Variants in ZEB1 observed in about 807,000 individuals in gnomAD.
ZEB1 encodes zinc finger E-box binding homeobox 1.
Under a neutral mutation model 84.9 loss-of-function variants are expected in ZEB1, and 21 were observed. The observed-to-expected ratio is 0.25, with a 90% CI of 0.18 to 0.36. The LOEUF is 0.36. Ranked by LOEUF, ZEB1 falls within the 10% of genes least tolerant of loss-of-function variation. The pLI, the probability that ZEB1 is intolerant of heterozygous loss-of-function variation, is 1.00. For missense variants in ZEB1, 1,104 were observed against 1,330.2 expected, an observed-to-expected ratio of 0.83 and a Z score of 2.65; for synonymous variants, 420 against 471.1, an observed-to-expected ratio of 0.89 and a Z score of 1.41.
Position 31,527,085 on chromosome 10 carries a change from G to A in ZEB1, c.3199G>A (p.Glu1067Lys). ...CEKPQGDEEEEEEEEEVEEEE... is the reference protein window; with the variant it reads ...CEKPQGDEEEKEEEEEVEEEE... ...AAAACCACAAGGGGATGAGGAAGAG[G>A]AGGAGGAGGAGGAAGAAGTGGAAGA... The change falls in exon 9 of 9, where the codon GAG becomes AAG. Residue 1067 changes from glutamate to lysine, a missense_variant. Coordinates refer to ENST00000424869, the MANE Select transcript of ZEB1 (RefSeq NM_001174096.2). 1 of 1,591,266 alleles carries A rather than the reference G, an allele frequency of 6.3e-7. No individual in the cohort carries two copies. The highest frequency in any genetic ancestry group is 1.4e-5 in the African/African-American group (1 of 73,802).
chr10:31,474,567 A>G (rs1353388877), intron 2 of ZEB1, among the ~76,000 whole-genome samples: 2,247 of 151,746 alleles, frequency 0.015, 51 homozygotes, highest in African/African-American at 0.052. Flanking sequence ...AACAACAGGT[A>G]CTGGAGAGGA....
chr10:31,390,322 C>G (rs1043703137), intron 1 of ZEB1, among the ~76,000 whole-genome samples: 1 of 152,060 alleles, frequency 6.6e-6, no homozygotes, highest in East Asian at 1.9e-4. Flanking sequence ...TTTCTCTGCG[C>G]AGGATTTTAA....
rs957868904 is a variant in ZEB1 at position 31,363,755 on chromosome 10, G to T, written c.58+44463G>T. 10 of 1,233,774 alleles carry T rather than the reference G, an allele frequency of 8.1e-6. No individual in the cohort carries two copies. The East Asian group carries it at 1.3e-4, about 16-fold the overall frequency. The allele number at this position is 1,233,774 out of a possible 1,614,324, so 76.4% of individuals were successfully genotyped here. On this transcript the variant is annotated intron_variant, in intron 1 of 8. Transcript: ENST00000424869. The stretch of plus-strand genomic sequence containing the variant: ...AGCACGGGTTTCTTCCTTGAGGGGG[G>T]GCTCCAGACCACAGGACGCAGGACC...
chr10:31,412,037 C>A (rs1181920113), intron 1 of ZEB1, among the ~76,000 whole-genome samples: 1 of 152,072 alleles, frequency 6.6e-6, no homozygotes, highest in African/African-American at 2.4e-5. Flanking sequence ...AACATTTTTT[C>A]AGGAGCACAA....
intron 1 of ZEB1, among the ~76,000 whole-genome samples, chr10:31,393,043 G>T (rs2050056163): frequency 6.6e-6 from 1 of 152,058 alleles, no homozygotes; most frequent in Non-Finnish European, 1.5e-5. Context: ...TCATCATGTT[G>T]CCCAGGCTGG....
intron 1 of ZEB1, chr10:31,321,812 AGAGGT>A (rs1336851496): frequency 2.3e-5 from 11 of 487,794 alleles, no homozygotes; most frequent in African/African-American, 2.1e-4. Flanking sequence ...AACAGGAAAG[AGAGGT>A]TCTTGATCGC....
intron 1 of ZEB1, among the ~76,000 whole-genome samples, chr10:31,349,291 T>C (rs527306616): frequency 6.6e-6 from 1 of 152,384 alleles, no homozygotes; most frequent in South Asian, 2.1e-4. Context: ...GTTGTGTGCG[T>C]ATACTACATT....
At chr10:31,360,129 C>T (rs1337276730) in intron 1 of ZEB1, among the ~76,000 whole-genome samples, 1 of 152,178 alleles carries the variant, frequency 6.6e-6, no homozygotes, top group African/African-American at 2.4e-5. Context: ...TTGGACTTTA[C>T]AATGTTTGCT....
intron 1 of ZEB1, among the ~76,000 whole-genome samples, chr10:31,422,834 C>A (rs942613026): frequency 6.6e-6 from 1 of 151,942 alleles, no homozygotes; most frequent in East Asian, 1.9e-4. Flanking sequence ...TTTGTTCCCC[C>A]CTTTGGTTGT....
chr10:31,510,224 G>A (rs1176067853), intron 4 of ZEB1, among the ~76,000 whole-genome samples: 2 of 152,038 alleles, frequency 1.3e-5, no homozygotes, highest in African/African-American at 4.8e-5. Flanking sequence ...CAAAATCAGA[G>A]GAATAAACAT....
In ZEB1 at chr10:31,437,117, A is replaced by G. The variant is rs2058385382; in HGVS notation, c.59-23920A>G. Reference sequence around the variant, plus strand: ...AAATAACAAAGAAACAAAATACTCAATTTTACCTCTGTTGCACATTAGCAA... The same window carrying G: ...AAATAACAAAGAAACAAAATACTCAGTTTTACCTCTGTTGCACATTAGCAA... On this transcript the variant is annotated intron_variant, in intron 1 of 8. Coordinates refer to ENST00000424869, the MANE Select transcript of ZEB1 (RefSeq NM_001174096.2). 2.0e-5 allele frequency among the ~76,000 whole-genome samples: 3 copies of G among 152,144 alleles called. No individual in the cohort carries two copies. In the South Asian group the frequency reaches 6.2e-4, roughly 31 times the overall value.
Position 31,521,288 on chromosome 10 carries a change from A to C in ZEB1, c.1956A>C (p.Lys652Asn). The change falls in exon 7 of 9, where the codon AAA becomes AAC. Residue 652 changes from lysine to asparagine, a missense_variant. Physicochemically the swap from Lys to Asn is moderately conservative, Grantham distance 94. Around this residue, in one of 7 missense-constraint regions of ZEB1, gnomAD observed 531 missense variants for 575.2 expected, o/e 0.92. Coordinates refer to ENST00000424869, the MANE Select transcript of ZEB1 (RefSeq NM_001174096.2). The stretch of plus-strand genomic sequence containing the variant: ...AACCATCTTCTCCTGAACCAGGCAA[A>C]GTAAATATCCCTGCCAAGAACAATG... ...SSEPSSPEPG[K>N]VNIPAKNNDQ... 6.2e-7 allele frequency: 1 copy of C among 1,614,080 alleles called. No individual in the cohort carries two copies. The highest frequency in any genetic ancestry group is 8.5e-7 in the Non-Finnish European group (1 of 1,180,002).
chr10:31,363,784 T>C (rs1209757035), intron 1 of ZEB1: 1 of 1,319,590 alleles, frequency 7.6e-7, no homozygotes, highest in African/African-American at 1.5e-5. Flanking sequence ...CAGGACCCTC[T>C]GTGGGGTGCC....
At chr10:31,524,739 A>AC (rs2073090241) in intron 8 of ZEB1, among the ~76,000 whole-genome samples, 2 of 150,156 alleles carry the variant, frequency 1.3e-5, no homozygotes, top group African/African-American at 5.1e-5. Context: ...AGTACCCATT[A>AC]ATAAAAAATA....
At chr10:31,322,596 G>A (rs2034415476) in intron 1 of ZEB1, among the ~76,000 whole-genome samples, 2 of 152,184 alleles carry the variant, frequency 1.3e-5, no homozygotes, top group African/African-American at 2.4e-5. Flanking sequence ...CAAACCTTGT[G>A]TGGTAACTTA....
In ZEB1 at chr10:31,319,340, G is replaced by A. The variant is rs200356122; in HGVS notation, c.58+48G>A. 48 of 1,579,288 alleles carry A rather than the reference G, an allele frequency of 3.0e-5. No individual in the cohort carries two copies. The East Asian group carries it at 7.3e-4, about 24-fold the overall frequency. ...GAGCGGCGGAGTCAGGGGGAGCTGG[G>A]CAGCCGGGGCGCCCCCGGGGGTGAG... On this transcript the variant is annotated intron_variant, in intron 1 of 8. Coordinates refer to ENST00000424869, the MANE Select transcript of ZEB1 (RefSeq NM_001174096.2).
chr10:31,402,288 C>A (rs2052194708), intron 1 of ZEB1, among the ~76,000 whole-genome samples: 1 of 151,836 alleles, frequency 6.6e-6, no homozygotes, highest in Admixed American at 6.6e-5. Flanking sequence ...TATTTGCCTT[C>A]TGATTAAATG....
intron 1 of ZEB1, among the ~76,000 whole-genome samples, chr10:31,422,668 A>G (rs1399748115): frequency 1.3e-5 from 2 of 152,126 alleles, no homozygotes; most frequent in Non-Finnish European, 2.9e-5. Context: ...AAATAATTTT[A>G]TAATCTCAGC....
intron 7 of ZEB1, among the ~76,000 whole-genome samples, chr10:31,523,543 G>A (rs563919428): frequency 6.6e-6 from 1 of 152,310 alleles, no homozygotes; most frequent in Admixed American, 6.5e-5. Context: ...AGTAATGAGC[G>A]ATTAATTAGC....
Sources: allele counts gnomAD v4.1 joint callset (sites outside exome capture counted in the v4.1 genomes callset), GRCh38; gene constraint gnomAD v4.1.1; regional missense constraint gnomAD v4.1.1; transcripts MANE v1.5; gene names NCBI Gene and HGNC (gene_info 2026-07-23, HGNC 2026-07-21).